The following GBE1 variants were observed in gnomAD, a reference collection of about 807,000 sequenced individuals.
GBE1 encodes 1,4-alpha-glucan-branching enzyme.
A neutral mutation model predicts 88.8 loss-of-function variants in GBE1; 70 were observed. The observed-to-expected ratio is 0.79, with a 90% CI of 0.65 to 0.96. GBE1 has a LOEUF of 0.96. GBE1 is among the 40% of genes least tolerant of loss of function. The probability of loss-of-function intolerance (pLI) is 0.00; values close to 1 mark genes in which losing one functional copy is unlikely to be tolerated. For missense variants in GBE1, 872 were observed against 871.0 expected (o/e 1.00, Z -0.01); for synonymous variants, 284 against 300.1 (o/e 0.95, Z 0.56).
intron 1 of GBE1, among the ~76,000 whole-genome samples, chr3:81,758,634 T>C (rs988265353): frequency 6.6e-6 from 1 of 152,220 alleles, no homozygotes; most frequent in African/African-American, 2.4e-5. Flanking sequence ...CTAATTGTAG[T>C]GTAACAACAA....
chr3:81,630,700 A>C (rs1233592352), intron 7 of GBE1, among the ~76,000 whole-genome samples: 1 of 152,170 alleles, frequency 6.6e-6, no homozygotes, highest in Non-Finnish European at 1.5e-5. Flanking sequence ...ATACACACCA[A>C]ATTTCCAAAA....
At position 81,676,604 on chromosome 3, in the gene GBE1, A is replaced by G. The variant is rs183731295; in HGVS notation, c.314-5651T>C. On this transcript the variant is annotated intron_variant, in intron 2 of 15. Coordinates refer to ENST00000429644, the MANE Select transcript of GBE1 (RefSeq NM_000158.4). ...AAAGAAGGTCTTACAGAGCTAATTT[A>G]CAATAATTAATTTTTTTTGGCCTTC... is the stretch of plus-strand genomic sequence containing the variant. Among the ~76,000 whole-genome samples, 69 of 152,188 alleles carry G rather than the reference A, an allele frequency of 4.5e-4. No individual in the cohort carries two copies. The East Asian group carries it at 0.011, about 24-fold the overall frequency.
intron 12 of GBE1, among the ~76,000 whole-genome samples, chr3:81,550,340 C>G (rs957352350): frequency 2.0e-4 from 30 of 151,334 alleles, no homozygotes; most frequent in African/African-American, 6.8e-4. Flanking sequence ...GAGCTCCTCT[C>G]TACCCTGAAT....
intron 7 of GBE1, among the ~76,000 whole-genome samples, chr3:81,599,566 T>C (rs544913836): frequency 1.9e-4 from 29 of 152,304 alleles, no homozygotes; most frequent in Admixed American, 1.6e-3. Flanking sequence ...CTGGAGGCAA[T>C]TGTAATGCAA....
intron 12 of GBE1, among the ~76,000 whole-genome samples, chr3:81,539,675 G>A (rs989413814): frequency 2.0e-5 from 3 of 151,994 alleles, no homozygotes; most frequent in Admixed American, 6.6e-5. Flanking sequence ...ATGACAGACT[G>A]ACTGAATGGC....
chr3:81,491,804 T>C (rs1702439074), intron 15 of GBE1, among the ~76,000 whole-genome samples: 2 of 151,998 alleles, frequency 1.3e-5, no homozygotes, highest in Admixed American at 6.6e-5. Flanking sequence ...CTCAAACAAA[T>C]AGAACAGTTG....
chr3:81,563,862 T>C (rs35395999), intron 12 of GBE1, among the ~76,000 whole-genome samples: 33,893 of 149,630 alleles, frequency 0.23, 4,060 homozygotes, highest in East Asian at 0.41. Context: ...AAGCCAGAGT[T>C]GTGTGGATAA....
intron 8 of GBE1, among the ~76,000 whole-genome samples, chr3:81,591,800 T>C (rs1703881935): frequency 6.6e-6 from 1 of 152,122 alleles, no homozygotes; most frequent in Non-Finnish European, 1.5e-5. Context: ...AAAATCAAAT[T>C]TGTGCTCAAT....
intron 14 of GBE1, among the ~76,000 whole-genome samples, chr3:81,501,858 C>A (rs1323135382): frequency 6.6e-6 from 1 of 151,452 alleles, no homozygotes; most frequent in Non-Finnish European, 1.5e-5. Flanking sequence ...CACATGCCAC[C>A]AGACTGATTT....
At chr3:81,636,722 G>T (rs1704596687) in intron 7 of GBE1, among the ~76,000 whole-genome samples, 1 of 151,888 alleles carries the variant, frequency 6.6e-6, no homozygotes, top group African/African-American at 2.4e-5. Flanking sequence ...TAGAGACAGG[G>T]TTTCTCTATA....
intron 2 of GBE1, among the ~76,000 whole-genome samples, chr3:81,701,347 C>T (rs1705683417): frequency 2.0e-5 from 3 of 151,980 alleles, no homozygotes; most frequent in Admixed American, 2.0e-4. Context: ...AATATAAGTA[C>T]TATATTTAAA....
intron 1 of GBE1, among the ~76,000 whole-genome samples, chr3:81,755,082 A>T (rs936011104): frequency 1.3e-5 from 2 of 152,122 alleles, no homozygotes; most frequent in African/African-American, 4.8e-5. Flanking sequence ...ATCAGATAAG[A>T]GATTAATAAC....
intron 2 of GBE1, among the ~76,000 whole-genome samples, chr3:81,699,064 C>A (rs1278035823): frequency 2.0e-5 from 3 of 152,082 alleles, no homozygotes; most frequent in Non-Finnish European, 4.4e-5. Flanking sequence ...AAACCTAAAG[C>A]CTTGTGCCTT....
At chr3:81,563,772 C>T (rs1703452428) in intron 12 of GBE1, among the ~76,000 whole-genome samples, 1 of 151,916 alleles carries the variant, frequency 6.6e-6, no homozygotes, top group East Asian at 1.9e-4. Context: ...TTAAAGTAAA[C>T]CATACCTCCA....
intron 3 of GBE1, among the ~76,000 whole-genome samples, chr3:81,654,420 A>C (rs1704900300): frequency 6.6e-6 from 1 of 152,162 alleles, no homozygotes; most frequent in Non-Finnish European, 1.5e-5. Flanking sequence ...TTACTGAGAT[A>C]ATATGTTCCT....
In GBE1 at chr3:81,642,832, C is replaced by A; in HGVS notation, c.941G>T (p.Gly314Val). Residue 314 changes from glycine (G) to valine (V), a missense_variant, in exon 7 of 16, where the codon GGA becomes GTA. By Grantham distance (109) the Gly-to-Val change is moderately radical (BLOSUM62 -3). Coordinates refer to ENST00000429644, the MANE Select transcript of GBE1 (RefSeq NM_000158.4). The part of the protein sequence containing the change: ...DGTDSCYFHS[G>V]PRGTHDLWDS... ...CCAAAGATCATGAGTCCCTCTAGGTCCAGAATGAAAATAACAGGAATCTGT... is the reference window on the plus strand; with the variant it reads ...CCAAAGATCATGAGTCCCTCTAGGTACAGAATGAAAATAACAGGAATCTGT... 6.2e-7 allele frequency: 1 copy of A among 1,613,282 alleles called. No individual in the cohort carries two copies. Among genetic ancestry groups the A allele is most frequent in the South Asian group, 1.1e-5 (1 of 91,048 alleles).
intron 10 of GBE1, among the ~76,000 whole-genome samples, chr3:81,584,161 A>T (rs1280185717): frequency 6.6e-6 from 1 of 152,108 alleles, no homozygotes; most frequent in Admixed American, 6.6e-5. Context: ...TAATTTAGAT[A>T]GTCAAATATT....
intron 2 of GBE1, among the ~76,000 whole-genome samples, chr3:81,704,934 T>G (rs1705751856): frequency 6.6e-6 from 1 of 152,032 alleles, no homozygotes; most frequent in Non-Finnish European, 1.5e-5. Context: ...TATTTCCCAC[T>G]GTGTTCTAAA....
chr3:81,495,648 A>G (rs1164138009), intron 15 of GBE1, among the ~76,000 whole-genome samples: 1 of 152,302 alleles, frequency 6.6e-6, no homozygotes, highest in African/African-American at 2.4e-5. Flanking sequence ...ACAGAAATGT[A>G]TATTAGCTCA....
Sources: gnomAD v4.1 joint callset for allele counts (sites outside exome capture counted in the v4.1 genomes callset) on GRCh38, gnomAD v4.1.1 for gene constraint, MANE v1.5 for transcripts, NCBI Gene and HGNC (gene_info 2026-07-23, HGNC 2026-07-21) for gene names.